The following PPFIA1 variants were observed in gnomAD, a reference collection of about 807,000 sequenced individuals.
The protein encoded by PPFIA1 is PPFI scaffold protein A1, also known as liprin-alpha-1.
Under a neutral mutation model 149.9 loss-of-function variants are expected in PPFIA1, and 25 were observed. The observed-to-expected ratio is 0.17, with a 90% confidence interval of 0.12 to 0.23. The LOEUF (loss-of-function observed/expected upper bound fraction) is 0.23. Ranked by LOEUF, PPFIA1 falls within the 10% of genes least tolerant of loss-of-function variation. The pLI, the probability that PPFIA1 is intolerant of heterozygous loss-of-function variation, is 1.00. For missense variants in PPFIA1, 1,362 were observed against 1,506.5 expected (o/e 0.90, Z 1.59); for synonymous variants, 549 against 552.8 (o/e 0.99, Z 0.10).
intron 13 of PPFIA1, 99 bp downstream of exon 13, chr11:70,338,552 C>A: frequency 1.1e-6 from 1 of 891,668 alleles, no homozygotes. Flanking sequence ...AATGGTGTGA[C>A]CTCAAGGAGC....
rs189309517 is a variant in PPFIA1, at chr11:70,330,679, G to A, written c.1077+360G>A. On this transcript the variant is annotated intron_variant, in intron 8 of 27. Transcript: ENST00000253925. ...TAGTATGACAAATGAAGTCTTGGTC[G>A]GATGCGGTGGCTCATGCCTGTCATT... 2.9e-4 allele frequency among the ~76,000 whole-genome samples: 44 copies of A among 152,316 alleles called. No individual in the cohort carries two copies. The South Asian group carries it at 4.1e-3, about 14-fold the overall frequency.
intron 26 of PPFIA1, chr11:70,380,981 T>C (rs905077410): frequency 6.6e-6 from 1 of 152,034 alleles, no homozygotes; most frequent in Admixed American, 6.6e-5. Context: ...TTGAATTTTT[T>C]GTAGAGATGG....
At chr11:70,370,669 T>A (rs2057189777) in intron 21 of PPFIA1, among the ~76,000 whole-genome samples, 1 of 152,152 alleles carries the variant, frequency 6.6e-6, no homozygotes, top group Non-Finnish European at 1.5e-5. Context: ...ATTACAGGTG[T>A]GAGCCACTGC....
chr11:70,382,347 G>A (rs2057743627), intron 27 of PPFIA1, among the ~76,000 whole-genome samples, 189 bp downstream of exon 27: 1 of 152,098 alleles, frequency 6.6e-6, no homozygotes, highest in South Asian at 2.1e-4. Flanking sequence ...ATCATAAAGA[G>A]GTTAGTGTGT....
At chr11:70,358,342 C>T (rs1335970177) in intron 19 of PPFIA1, 1 of 152,320 alleles carries the variant, frequency 6.6e-6, no homozygotes, top group Non-Finnish European at 1.5e-5. Context: ...CTGCCTCAGC[C>T]TCCCAGCAGC....
At chr11:70,376,881 G>A (rs1429972886) in intron 25 of PPFIA1, among the ~76,000 whole-genome samples, 1 of 152,122 alleles carries the variant, frequency 6.6e-6, no homozygotes, top group Non-Finnish European at 1.5e-5. Context: ...AGACCAGCCC[G>A]GCCAACATGG....
At chr11:70,364,329 AAAG>A (rs2056810991) in intron 21 of PPFIA1, 1 of 152,230 alleles carries the variant, frequency 6.6e-6, no homozygotes, top group Non-Finnish European at 1.5e-5. Context: ...CCTACTTGAA[AAAG>A]AAGAACTATG....
chr11:70,279,905 A>AT (rs368563994), intron 2 of PPFIA1, among the ~76,000 whole-genome samples: 1 of 144,856 alleles, frequency 6.9e-6, no homozygotes, highest in African/African-American at 2.7e-5. Flanking sequence ...TGTGTGGGGG[A>AT]TGTGTGTGTG....
intron 14 of PPFIA1, among the ~76,000 whole-genome samples, chr11:70,341,334 C>T (rs535258733): frequency 6.6e-6 from 1 of 151,206 alleles, no homozygotes; most frequent in Non-Finnish European, 1.5e-5. Context: ...GCACATGGAG[C>T]GTGTTCAGTG....
chr11:70,278,716 C>T (rs760116261), intron 2 of PPFIA1, among the ~76,000 whole-genome samples: 10 of 152,178 alleles, frequency 6.6e-5, no homozygotes, highest in Non-Finnish European at 1.2e-4. Context: ...TTTGAAGCCA[C>T]AGTAACAAAT....
chr11:70,292,031 G>A (rs1294416739), intron 2 of PPFIA1, among the ~76,000 whole-genome samples: 1 of 151,980 alleles, frequency 6.6e-6, no homozygotes, highest in East Asian at 1.9e-4. Flanking sequence ...TAGAGACGGG[G>A]TTTCACCATG....
intron 2 of PPFIA1, among the ~76,000 whole-genome samples, chr11:70,293,943 T>TC (rs59398912): frequency 5.5e-4 from 24 of 43,714 alleles, no homozygotes; most frequent in African/African-American, 2.2e-3. Context: ...TCTCTCTCTC[T>TC]TTTTTTTTTT....
At chr11:70,350,097 T>C (rs911101800) in intron 16 of PPFIA1, 16 of 354,658 alleles carry the variant, frequency 4.5e-5, no homozygotes, top group African/African-American at 3.3e-4. Flanking sequence ...GTGATGACTT[T>C]ATTAATGGGT....
At chr11:70,289,830 T>C (rs920420667) in intron 2 of PPFIA1, among the ~76,000 whole-genome samples, 6 of 152,220 alleles carry the variant, frequency 3.9e-5, no homozygotes, top group Non-Finnish European at 5.9e-5. Context: ...CAGTCCAAGC[T>C]ACTTGAGAGG....
chr11:70,318,660 T>G (rs2136669011), intron 2 of PPFIA1, among the ~76,000 whole-genome samples: 1 of 152,330 alleles, frequency 6.6e-6, no homozygotes, highest in East Asian at 1.9e-4. Flanking sequence ...CTCTTTGAAC[T>G]CAGTCCAGTG....
At chr11:70,275,539 A>G (rs1442106745) in intron 2 of PPFIA1, among the ~76,000 whole-genome samples, 1 of 152,202 alleles carries the variant, frequency 6.6e-6, no homozygotes, top group African/African-American at 2.4e-5. Flanking sequence ...ATTGTCTTCT[A>G]AAAACTATTT....
chr11:70,367,608 C>T, intron 21 of PPFIA1: 2 of 455,216 alleles, frequency 4.4e-6, no homozygotes, highest in Non-Finnish European at 8.8e-6. Flanking sequence ...CAGAAGGCTG[C>T]TAAGGCAGCC....
chr11:70,356,221 G>T lies in PPFIA1; in HGVS notation c.2549G>T (p.Gly850Val). 1 of 1,613,492 alleles carries T rather than the reference G, an allele frequency of 6.2e-7. No individual in the cohort carries two copies. The highest frequency in any genetic ancestry group is 8.5e-7 in the Non-Finnish European group (1 of 1,179,914). Residue 850 changes from glycine to valine, a missense_variant, in exon 19 of 28, where the codon GGA (glycine) becomes GTA (valine). By Grantham distance (109) the Gly-to-Val change is moderately radical. Transcript: ENST00000253925. ...GCCTTGGGACTTAGCAAATTGGGGGGACAGGCTGAAAAAAATCGTAAACTT... is the reference window on the plus strand; with the variant it reads ...GCCTTGGGACTTAGCAAATTGGGGGTACAGGCTGAAAAAAATCGTAAACTT... Reference protein sequence around the residue: ...QDALGLSKLGGQAEKNRKLQK... With the variant: ...QDALGLSKLGVQAEKNRKLQK...
chr11:70,303,211 C>T (rs552561352), intron 2 of PPFIA1, among the ~76,000 whole-genome samples: 1 of 152,244 alleles, frequency 6.6e-6, no homozygotes, highest in African/African-American at 2.4e-5. Flanking sequence ...CAGTGTCGGG[C>T]AGCCCTACCG....
Sources: gnomAD v4.1 joint callset for allele counts (sites outside exome capture counted in the v4.1 genomes callset) on GRCh38, gnomAD v4.1.1 for gene constraint, MANE v1.5 for transcripts, NCBI Gene and HGNC (gene_info 2026-07-23, HGNC 2026-07-21) for gene names.